Variants in LAMA1 observed in about 807,000 individuals in gnomAD.
LAMA1 encodes laminin subunit alpha-1.
Under a neutral mutation model 348.7 loss-of-function variants are expected in LAMA1, and 219 were observed. The observed-to-expected ratio is 0.63, with a 90% CI of 0.56 to 0.70. The LOEUF (loss-of-function observed/expected upper bound fraction) is 0.70, where lower values mean the gene tolerates loss of function less well. Among genes scored for constraint, LAMA1 ranks in the 30% least tolerant of loss-of-function variants. The pLI, the probability that LAMA1 is intolerant of heterozygous loss-of-function variation, is 0.00. For synonymous variants in LAMA1, 1,487 were observed against 1,491.0 expected (o/e 1.00, Z 0.06); for missense variants, 3,744 against 3,888.0 (o/e 0.96, Z 0.99).
At chr18:7,023,054 C>A (rs758306446) in intron 19 of LAMA1, 110 bp downstream of exon 19, 2 of 1,191,078 alleles carry the variant, frequency 1.7e-6, no homozygotes, top group Non-Finnish European at 2.4e-6. Flanking sequence ...AGTAACCCCT[C>A]AAGAGAGTGT....
chr18:7,035,088 G>A (rs942057952), intron 13 of LAMA1, among the ~76,000 whole-genome samples: 10 of 152,156 alleles, frequency 6.6e-5, no homozygotes, highest in Non-Finnish European at 1.2e-4. Flanking sequence ...TACCGTGTGC[G>A]GTCTGCAATT....
chr18:7,005,746 GAAA>G (rs371802504), intron 29 of LAMA1, among the ~76,000 whole-genome samples: 1 of 151,856 alleles, frequency 6.6e-6, no homozygotes, highest in South Asian at 2.1e-4. Flanking sequence ...CCTCCATCTT[GAAA>G]AAAATAATAA....
chr18:7,042,483 A>C lies in LAMA1; in HGVS notation c.1156-233T>G, dbSNP rs182137184. 2.5e-3 allele frequency: 1,185 copies of C among 480,626 alleles called. 7 individuals are homozygous for C. Among genetic ancestry groups the C allele is most frequent in the Non-Finnish European group, 3.7e-3 (959 of 261,368 alleles). 29.8% of individuals were successfully genotyped at this position (480,626 alleles called of 1,614,324 possible). On this transcript the variant is annotated intron_variant, in intron 8 of 62. Coordinates refer to ENST00000389658, the MANE Select transcript of LAMA1 (RefSeq NM_005559.4). ...CCTTAGCAAAGTGTCATCTTTTTCT[A>C]TTATCCCTGCTCTCCAGCCCCCCTC...
At chr18:6,975,341 G>A (rs1464302451) in intron 45 of LAMA1, among the ~76,000 whole-genome samples, 1 of 152,126 alleles carries the variant, frequency 6.6e-6, no homozygotes, top group Non-Finnish European at 1.5e-5. Flanking sequence ...GGGAGCACCA[G>A]GGAAGGCACT....
chr18:7,057,971 AT>A (rs201911755), intron 3 of LAMA1, among the ~76,000 whole-genome samples: 77 of 140,202 alleles, frequency 5.5e-4, no homozygotes, highest in South Asian at 6.8e-4. Flanking sequence ...ATTTTTTTTA[AT>A]TTTTTTTTTT....
chr18:6,970,270 C>T (rs946708351), intron 48 of LAMA1, among the ~76,000 whole-genome samples: 1 of 151,748 alleles, frequency 6.6e-6, no homozygotes, highest in Non-Finnish European at 1.5e-5. Context: ...TGCTTTTTCA[C>T]ACGTTTATTG....
chr18:7,065,060 C>G (rs182131867), intron 3 of LAMA1, among the ~76,000 whole-genome samples: 1 of 151,730 alleles, frequency 6.6e-6, no homozygotes. Context: ...GGTGAATCCT[C>G]GTCTCTACTA....
chr18:7,093,794 T>C lies in LAMA1; in HGVS notation c.62-13337A>G, dbSNP rs928619942. Among the ~76,000 whole-genome samples, 262 of 117,310 alleles carry C rather than the reference T, an allele frequency of 2.2e-3. 2 individuals are homozygous for C. The highest frequency in any genetic ancestry group is 8.3e-3 in the African/African-American group (244 of 29,476). 77.0% of individuals were successfully genotyped at this position (117,310 alleles called of 152,430 possible). On this transcript the variant is annotated intron_variant, in intron 1 of 62. Transcript: ENST00000389658. ...CTCAACTTTTTTTTTTTTTTTTTTT[T>C]CAGACAATCTCTCTCTGTTGCCCAG...
rs141522138 is a variant in LAMA1, at chr18:6,993,290, G to A, written c.5008+351C>T. Among the ~76,000 whole-genome samples, 425 of 152,272 alleles carry A rather than the reference G, an allele frequency of 2.8e-3. 3 individuals carry two copies. Among genetic ancestry groups the A allele is most frequent in the African/African-American group, 9.1e-3 (379 of 41,538 alleles). On this transcript the variant is annotated intron_variant, in intron 35 of 62. Coordinates refer to ENST00000389658, the MANE Select transcript of LAMA1 (RefSeq NM_005559.4). ...TGAGAAGTGATTAAATTATTCTAAT[G>A]TGATGGATATACTTGGTACCTAACT...
chr18:7,007,308 T>C (rs2057836881), intron 28 of LAMA1, 32 bp from the exon 29 acceptor site: 1 of 1,605,764 alleles, frequency 6.2e-7, no homozygotes, highest in African/African-American at 1.3e-5. Flanking sequence ...GACAAAAAAG[T>C]CTGATTAATG....
intron 5 of LAMA1, 124 bp downstream of exon 5, chr18:7,048,953 TG>T: frequency 1.1e-6 from 1 of 911,596 alleles, no homozygotes; most frequent in Non-Finnish European, 1.7e-6. Flanking sequence ...ATACAGCTGC[TG>T]GCAAGAAAAA....
intron 3 of LAMA1, 38 bp downstream of exon 3, chr18:7,079,937 G>A (rs779875362): frequency 1.4e-6 from 2 of 1,414,096 alleles, no homozygotes; most frequent in East Asian, 4.6e-5. Flanking sequence ...CAGCTCAGCA[G>A]CCTGTAGACA....
At chr18:7,044,696 G>GACT in intron 7 of LAMA1, 26 bp downstream of exon 7, 1 of 1,555,834 alleles carries the variant, frequency 6.4e-7, no homozygotes, top group Non-Finnish European at 8.9e-7. Flanking sequence ...AAACTGTACT[G>GACT]ACCTTCAGAT....
At chr18:7,082,361 G>A (rs551491861) in intron 1 of LAMA1, among the ~76,000 whole-genome samples, 4 of 151,880 alleles carry the variant, frequency 2.6e-5, no homozygotes, top group South Asian at 2.1e-4. Flanking sequence ...AAGGGACTTC[G>A]TTTGTTTTTA....
At chr18:7,065,590 G>A (rs1167690323) in intron 3 of LAMA1, among the ~76,000 whole-genome samples, 2 of 151,580 alleles carry the variant, frequency 1.3e-5, no homozygotes, top group Admixed American at 6.6e-5. Context: ...AGCCAGGTGT[G>A]GTGGCACGCA....
chr18:7,014,142 G>T, intron 22 of LAMA1, 91 bp from the exon 23 acceptor site: 1 of 1,002,024 alleles, frequency 1.0e-6, no homozygotes, highest in Non-Finnish European at 1.6e-6. Context: ...CACTACATGT[G>T]GGGAAGTTCT....
At chr18:7,115,269 G>C (rs1382721483) in intron 1 of LAMA1, among the ~76,000 whole-genome samples, 2 of 152,022 alleles carry the variant, frequency 1.3e-5, no homozygotes, top group African/African-American at 2.4e-5. Context: ...ATTTTTTTCT[G>C]TCCTTAGAAT....
intron 3 of LAMA1, among the ~76,000 whole-genome samples, chr18:7,078,073 A>G (rs1373544841): frequency 6.6e-6 from 1 of 150,736 alleles, no homozygotes; most frequent in Non-Finnish European, 1.5e-5. Context: ...TCAAAAAAAA[A>G]AAAAAAACAA....
intron 60 of LAMA1, among the ~76,000 whole-genome samples, chr18:6,947,590 C>A (rs1266014173): frequency 3.3e-5 from 5 of 152,214 alleles, no homozygotes; most frequent in Non-Finnish European, 7.3e-5. Context: ...GACACGTCCT[C>A]CCTGCGGCAG....
Sources: allele counts gnomAD v4.1 joint callset (sites outside exome capture counted in the v4.1 genomes callset), GRCh38; gene constraint gnomAD v4.1.1; transcripts MANE v1.5; gene names NCBI Gene and HGNC (gene_info 2026-07-23, HGNC 2026-07-21).